The following MTSS2 variants were observed in gnomAD, a reference collection of about 807,000 sequenced individuals.
MTSS2 encodes the protein protein MTSS 2.
MTSS2 carries 27 observed loss-of-function variants against 67.1 expected under a neutral mutation model. The observed-to-expected ratio is 0.40, with a 90% CI of 0.30 to 0.55. MTSS2 has a LOEUF of 0.55. Ranked by LOEUF, MTSS2 falls within the 20% of genes least tolerant of loss-of-function variation. MTSS2 has a pLI of 0.43. For synonymous variants in MTSS2, 624 were observed against 468.6 expected, an observed-to-expected ratio of 1.33 and a Z score of -4.28; for missense variants, 1,171 against 1,067.8, an observed-to-expected ratio of 1.10 and a Z score of -1.35.
In MTSS2 at chr16:70,674,345, G is replaced by C; in HGVS notation, c.1014C>G (p.Ser338=). 6.2e-7 allele frequency: 1 copy of C among 1,614,038 alleles called. No individual in the cohort carries two copies. Among genetic ancestry groups the C allele is most frequent in the Non-Finnish European group, 8.5e-7 (1 of 1,179,986 alleles). The change falls in exon 11 of 15, where the codon TCC becomes TCG. Residue 338 remains serine, a synonymous_variant. Transcript: ENST00000338779. ...CTGAAGGCATAGGCGAGGGGGGCTT[G>C]GAGTAGGTGGCGTCCTGGGAGACGA... The part of the protein sequence containing the change: ...SGFVSQDATY[S]KPPSPMPSDI...
intron 11 of MTSS2, among the ~76,000 whole-genome samples, chr16:70,666,630 C>A (rs2052724352): frequency 6.6e-6 from 1 of 152,068 alleles, no homozygotes; most frequent in African/African-American, 2.4e-5. Context: ...TTCGAATGAA[C>A]CAAGATCACC....
intron 7 of MTSS2, 63 bp from the exon 8 acceptor site, chr16:70,678,472 T>A: frequency 1.3e-6 from 2 of 1,558,140 alleles, no homozygotes; most frequent in Non-Finnish European, 1.7e-6. Context: ...CACCCACAAA[T>A]GGGCTCAGAC....
Position 70,664,952 on chromosome 16 carries a change from G to A in MTSS2, c.1273C>T (p.Pro425Ser). ...LGPSGEEAPR[P>S]RMSPATIAAK... ...GCGATGGTGGCAGGGGACATCCGGG[G>A]TCGCGGTGCCTCTTCCCCGCTGGGG... is the stretch of plus-strand genomic sequence containing the variant. Residue 425 changes from proline (P) to serine (S), a missense_variant, in exon 13 of 15, where the codon CCC (proline) becomes TCC (serine). Transcript: ENST00000338779. The A allele has an allele frequency of 1.3e-6, 2 of 1,565,294 alleles. No homozygotes were observed. The highest frequency in any genetic ancestry group is 1.7e-6 in the Non-Finnish European group (2 of 1,163,162).
intron 11 of MTSS2, among the ~76,000 whole-genome samples, chr16:70,672,930 G>A (rs992516875): frequency 2.0e-5 from 3 of 152,136 alleles, no homozygotes; most frequent in Non-Finnish European, 2.9e-5. Context: ...GGAGGCTAAG[G>A]CAGGCAGATC....
At chr16:70,665,152 G>A (rs1276091689) in intron 12 of MTSS2, 56 bp from the exon 13 acceptor site, 7 of 1,522,882 alleles carry the variant, frequency 4.6e-6, no homozygotes, top group South Asian at 2.6e-5. Context: ...CCTATGGCCC[G>A]GGGGCCCGTC....
chr16:70,671,955 T>A (rs1173706401), intron 11 of MTSS2, among the ~76,000 whole-genome samples: 2 of 152,198 alleles, frequency 1.3e-5, no homozygotes, highest in Non-Finnish European at 2.9e-5. Context: ...ATCTGACCGA[T>A]ATTCTTCAAA....
rs2052502649 is a variant in MTSS2 at position 70,662,142 on chromosome 16, G to GAACT, written c.*1531_*1534dup. 6.6e-6 allele frequency: 1 copy of GAACT among 152,168 alleles called. No homozygotes were observed. The highest frequency in any genetic ancestry group is 2.1e-4 in the South Asian group (1 of 4,834). 9.4% of individuals were successfully genotyped at this position (152,168 alleles called of 1,614,324 possible). Reference sequence around the variant, plus strand: ...AGGAGCTGCCCAGCTCACCGCACAAGAACTCCCAGGAGCTCAAGCCTGGGA... The same window carrying GAACT: ...AGGAGCTGCCCAGCTCACCGCACAAGAACTAACTCCCAGGAGCTCAAGCCTGGGA... On this transcript the variant is annotated 3_prime_UTR_variant, in exon 15 of 15. Transcript: ENST00000338779.
intron 10 of MTSS2, among the ~76,000 whole-genome samples, chr16:70,675,348 G>C (rs1162030851): frequency 6.6e-6 from 1 of 151,856 alleles, no homozygotes; most frequent in Non-Finnish European, 1.5e-5. Context: ...GCTTGAACCC[G>C]GGAGGTCGAG....
At chr16:70,674,045 C>T (rs997338602) in intron 11 of MTSS2, among the ~76,000 whole-genome samples, 1 of 152,054 alleles carries the variant, frequency 6.6e-6, no homozygotes, top group East Asian at 1.9e-4. Context: ...TAGAGGTTGT[C>T]AGATTGGATA....
At chr16:70,667,016 C>G (rs1305520539) in intron 11 of MTSS2, among the ~76,000 whole-genome samples, 1 of 152,108 alleles carries the variant, frequency 6.6e-6, no homozygotes, top group Non-Finnish European at 1.5e-5. Context: ...TGGCTCACAC[C>G]TGTAATCCCA....
In MTSS2 at chr16:70,680,073, G is replaced by C. The variant is rs755437453; in HGVS notation, c.206-18C>G. On this transcript the variant is annotated intron_variant, in intron 3 of 14. Coordinates refer to ENST00000338779, the MANE Select transcript of MTSS2 (RefSeq NM_138383.3). ...CGTGGCCCCTGGCGAGGCAAGCGCG[G>C]GGTGGGAAGGGGCCCGCTGGGGCCT... 3.4e-6 allele frequency: 5 copies of C among 1,483,680 alleles called. No individual in the cohort carries two copies. The South Asian group carries it at 5.1e-5, about 15-fold the overall frequency. The allele number at this position is 1,483,680 out of a possible 1,614,324, so 91.9% of individuals were successfully genotyped here.
chr16:70,664,490 C>G, intron 14 of MTSS2, 41 bp from the exon 15 acceptor site: 1 of 1,542,690 alleles, frequency 6.5e-7, no homozygotes, highest in Non-Finnish European at 8.8e-7. Context: ...GCCCAGGTGG[C>G]CCCTTGCCCC....
Position 70,679,982 on chromosome 16 carries a change from C to G in MTSS2, c.279G>C (p.Arg93=). Residue 93 remains arginine, a synonymous_variant, in exon 4 of 15, where the codon CGG becomes CGC. Coordinates refer to ENST00000338779, the MANE Select transcript of MTSS2 (RefSeq NM_138383.3). ...CAGCGCCCACTCACTTGGTGAACTG[C>G]CGCAGCTTGGTCTCGATGCTGCGGT... ...MRHRSIETKL[R]QFTNALLESL... 6.6e-7 allele frequency: 1 copy of G among 1,520,314 alleles called. No homozygotes were observed. Among genetic ancestry groups the G allele is most frequent in the Non-Finnish European group, 8.8e-7 (1 of 1,141,772 alleles). The allele number at this position is 1,520,314 out of a possible 1,614,324, so 94.2% of individuals were successfully genotyped here. A position where few individuals can be genotyped will look rare whatever the true frequency, so the allele number is the denominator to read the frequency against.
chr16:70,676,316 G>A (rs190088322), intron 10 of MTSS2, among the ~76,000 whole-genome samples: 7 of 152,226 alleles, frequency 4.6e-5, no homozygotes, highest in Non-Finnish European at 1.0e-4. Flanking sequence ...GAGGCTCCCG[G>A]GGCTAGCCTG....
rs1393787235 is a variant in MTSS2 at position 70,679,663 on chromosome 16, C to T, written c.424G>A (p.Asp142Asn). ...GCCTTCTTCTGCAGCTTCAGCGTGT[C>T]CGACGACTTCTTTTTGATCTCATGC... ...ARHEIKKKSS[D>N]TLKLQKKARK... Residue 142 changes from aspartate to asparagine, a missense_variant, in exon 6 of 15, where the codon GAC (aspartate) becomes AAC (asparagine). Asp to Asn is a conservative substitution (Grantham distance 23). Coordinates refer to ENST00000338779, the MANE Select transcript of MTSS2 (RefSeq NM_138383.3). 3 of 1,610,278 alleles carry T rather than the reference C, an allele frequency of 1.9e-6. No homozygotes were observed. The highest frequency in any genetic ancestry group is 2.5e-6 in the Non-Finnish European group (3 of 1,178,514).
At chr16:70,683,161 G>C (rs931286843) in intron 1 of MTSS2, among the ~76,000 whole-genome samples, 4 of 152,230 alleles carry the variant, frequency 2.6e-5, no homozygotes, top group Non-Finnish European at 5.9e-5. Flanking sequence ...GGCAGTGGCT[G>C]TGGTTCAGAT....
intron 11 of MTSS2, among the ~76,000 whole-genome samples, chr16:70,673,630 C>T (rs1462156328): frequency 2.0e-5 from 3 of 151,660 alleles, no homozygotes; most frequent in Non-Finnish European, 4.4e-5. Context: ...AAAAAAATGA[C>T]AAGAAATGTG....
chr16:70,678,552 G>T, intron 7 of MTSS2, 143 bp from the exon 8 acceptor site: 1 of 915,802 alleles, frequency 1.1e-6, no homozygotes, highest in Non-Finnish European at 1.6e-6. Flanking sequence ...GGAGGGCAGT[G>T]AGGACTCTGG....
intron 9 of MTSS2, among the ~76,000 whole-genome samples, chr16:70,677,205 C>T (rs1490489811): frequency 4.6e-5 from 7 of 152,176 alleles, no homozygotes; most frequent in Non-Finnish European, 1.0e-4. Context: ...ATTCCGAGCC[C>T]AGCCTGGGCT....
Sources: allele counts gnomAD v4.1 joint callset (sites outside exome capture counted in the v4.1 genomes callset), GRCh38; gene constraint gnomAD v4.1.1; transcripts MANE v1.5; gene names NCBI Gene and HGNC (gene_info 2026-07-23, HGNC 2026-07-21).